MACROD2: variants seen among roughly 807,000 people sequenced by gnomAD.
The protein encoded by MACROD2 is mono-ADP ribosylhydrolase 2.
A neutral mutation model predicts 70.4 loss-of-function variants in MACROD2; 36 were observed. That is an observed-to-expected ratio of 0.51 (90% CI 0.39 to 0.68). The LOEUF is 0.68. Ranked by LOEUF, MACROD2 falls within the 30% of genes least tolerant of loss-of-function variation. MACROD2 has a pLI of 0.00. For synonymous variants in MACROD2, 172 were observed against 178.8 expected (o/e 0.96, Z 0.30); for missense variants, 496 against 538.4 (o/e 0.92, Z 0.78).
chr20:15,766,952 T>C (rs2051537719), intron 8 of MACROD2, among the ~76,000 whole-genome samples: 1 of 152,212 alleles, frequency 6.6e-6, no homozygotes, highest in African/African-American at 2.4e-5. Flanking sequence ...ACAACACTTT[T>C]CATGTCTCTG....
chr20:15,981,294 A>G (rs2066395210), intron 13 of MACROD2, among the ~76,000 whole-genome samples: 1 of 150,984 alleles, frequency 6.6e-6, no homozygotes, highest in African/African-American at 2.4e-5. Context: ...TGTAATTGGA[A>G]CTCCACCATG....
chr20:14,785,181 A>G (rs1471658755), intron 5 of MACROD2, among the ~76,000 whole-genome samples: 1 of 151,844 alleles, frequency 6.6e-6, no homozygotes, highest in Non-Finnish European at 1.5e-5. Context: ...ACAAACACAC[A>G]CACACCCACA....
intron 7 of MACROD2, among the ~76,000 whole-genome samples, chr20:15,492,367 A>T (rs1411833273): frequency 6.6e-6 from 1 of 151,990 alleles, no homozygotes; most frequent in South Asian, 2.1e-4. Flanking sequence ...ACACCCTCCA[A>T]TCTCTCCTCC....
intron 15 of MACROD2, among the ~76,000 whole-genome samples, chr20:16,008,687 G>A (rs1419143345): frequency 6.6e-6 from 1 of 152,216 alleles, no homozygotes; most frequent in African/African-American, 2.4e-5. Context: ...TGGCAGTAGT[G>A]CCAGGCATAT....
At chr20:14,108,096 C>A (rs984843160) in intron 3 of MACROD2, among the ~76,000 whole-genome samples, 2 of 151,548 alleles carry the variant, frequency 1.3e-5, no homozygotes, top group African/African-American at 2.4e-5. Context: ...CAAAGAGGAA[C>A]AACAAAAAGT....
chr20:15,019,312 C>CT (rs1174477529), intron 5 of MACROD2, among the ~76,000 whole-genome samples: 1 of 152,114 alleles, frequency 6.6e-6, no homozygotes, highest in African/African-American at 2.4e-5. Flanking sequence ...TGAAATAACC[C>CT]TTTTATAAGT....
Position 14,230,680 on chromosome 20 carries a change from T to C in MACROD2, c.271+144952T>C, listed in dbSNP as rs1307709163. Among the ~76,000 whole-genome samples, 16 of 113,132 alleles carry C rather than the reference T, an allele frequency of 1.4e-4. 1 individual carries two copies. Among genetic ancestry groups the C allele is most frequent in the East Asian group, 3.0e-4 (1 of 3,320 alleles). The allele number at this position is 113,132 out of a possible 152,430, so 74.2% of individuals were successfully genotyped here. A position where few individuals can be genotyped will look rare whatever the true frequency, so the allele number is the denominator to read the frequency against. On this transcript the variant is annotated intron_variant, in intron 3 of 17. Transcript: ENST00000684519. ...AACACAGGCTGGGCCTATATATATA[T>C]ATATATATATATATATATATGGGCC... is the stretch of plus-strand genomic sequence containing the variant.
intron 5 of MACROD2, among the ~76,000 whole-genome samples, chr20:14,836,073 T>A (rs1421418582): frequency 6.6e-6 from 1 of 151,892 alleles, no homozygotes; most frequent in Non-Finnish European, 1.5e-5. Context: ...TATTTGTAGG[T>A]ATTAGACAAA....
At chr20:14,564,541 C>T (rs1269400396) in intron 4 of MACROD2, among the ~76,000 whole-genome samples, 1 of 151,834 alleles carries the variant, frequency 6.6e-6, no homozygotes, top group African/African-American at 2.4e-5. Context: ...GGGCAAAGGA[C>T]ATGAACAGAC....
intron 3 of MACROD2, among the ~76,000 whole-genome samples, chr20:14,202,918 C>G (rs1333211900): frequency 6.6e-6 from 1 of 152,058 alleles, no homozygotes; most frequent in African/African-American, 2.4e-5. Context: ...TGTGGTGGCA[C>G]ATGCCTGTAA....
chr20:15,357,811 T>C (rs995162204), intron 6 of MACROD2, among the ~76,000 whole-genome samples: 1 of 20,924 alleles, frequency 4.8e-5, no homozygotes, highest in African/African-American at 2.0e-4. Context: ...TTTTTTTTTT[T>C]TTTTTTTTTT....
intron 5 of MACROD2, among the ~76,000 whole-genome samples, chr20:14,884,000 G>C (rs77007406): frequency 6.6e-6 from 1 of 152,136 alleles, no homozygotes; most frequent in Non-Finnish European, 1.5e-5. Flanking sequence ...AATATATTCT[G>C]TCAGTTCTCT....
At chr20:15,362,311 T>A (rs1293198303) in intron 6 of MACROD2, among the ~76,000 whole-genome samples, 1 of 152,082 alleles carries the variant, frequency 6.6e-6, no homozygotes, top group Non-Finnish European at 1.5e-5. Context: ...TCCTTATTGA[T>A]CTGTATGCTT....
At chr20:15,671,524 G>A (rs2049979713) in intron 8 of MACROD2, among the ~76,000 whole-genome samples, 1 of 152,118 alleles carries the variant, frequency 6.6e-6, no homozygotes, top group South Asian at 2.1e-4. Context: ...CGTGAGGAGA[G>A]GCCTCTACTA....
chr20:15,516,525 T>A (rs984103895), intron 8 of MACROD2, among the ~76,000 whole-genome samples: 1 of 152,006 alleles, frequency 6.6e-6, no homozygotes, highest in Non-Finnish European at 1.5e-5. Context: ...AGTGCTAGGA[T>A]AAAGGGTGCC....
At chr20:14,020,396 C>T (rs1334389600) in intron 2 of MACROD2, among the ~76,000 whole-genome samples, 1 of 152,234 alleles carries the variant, frequency 6.6e-6, no homozygotes, top group African/African-American at 2.4e-5. Flanking sequence ...TCACTTGAAC[C>T]TGGGAGGTGG....
At chr20:15,267,976 G>T (rs1021839537) in intron 6 of MACROD2, among the ~76,000 whole-genome samples, 12 of 152,154 alleles carry the variant, frequency 7.9e-5, no homozygotes, top group African/African-American at 2.9e-4. Context: ...GTGTGTCCAC[G>T]AACCTAATCT....
At chr20:14,676,927 A>T (rs2070869089) in intron 4 of MACROD2, among the ~76,000 whole-genome samples, 1 of 152,222 alleles carries the variant, frequency 6.6e-6, no homozygotes. Flanking sequence ...CACAGGGCCA[A>T]TTTCTAAAAT....
intron 5 of MACROD2, among the ~76,000 whole-genome samples, chr20:15,055,841 G>C (rs139122473): frequency 6.6e-6 from 1 of 150,468 alleles, no homozygotes; most frequent in African/African-American, 2.5e-5. Flanking sequence ...TGTTACCCAG[G>C]CTAGAGTGCA....
Sources: gnomAD v4.1 joint callset for allele counts (sites outside exome capture counted in the v4.1 genomes callset) on GRCh38, gnomAD v4.1.1 for gene constraint, MANE v1.5 for transcripts, NCBI Gene and HGNC (gene_info 2026-07-23, HGNC 2026-07-21) for gene names.